The following P2RX4 variants were observed in gnomAD, a reference collection of about 807,000 sequenced individuals.
P2RX4 encodes the protein purinergic receptor P2X 4.
In P2RX4, 37 loss-of-function variants were observed where a neutral mutation model predicts 48.0. The ratio of observed to expected loss-of-function variants is 0.77; its 90% confidence interval spans 0.59 to 1.01. The LOEUF is 1.01. Ranked by LOEUF, P2RX4 falls within the 50% of genes least tolerant of loss-of-function variation. P2RX4 has a pLI of 0.00. For synonymous variants in P2RX4, 200 were observed against 199.7 expected (o/e 1.00, Z -0.01); for missense variants, 501 against 521.4 (o/e 0.96, Z 0.38).
intron 5 of P2RX4, among the ~76,000 whole-genome samples, chr12:121,226,734 G>T (rs1042384363): frequency 6.6e-6 from 1 of 152,186 alleles, no homozygotes; most frequent in Non-Finnish European, 1.5e-5. Flanking sequence ...ACAGGTGTGT[G>T]TGTGGGTGTT....
Position 121,228,847 on chromosome 12 carries a change from T to C in P2RX4, c.728T>C (p.Phe243Ser), listed in dbSNP as rs1343713859. ...ATAGTGGAGAACGCAGGACACAGTT[T>C]CCAGGACATGGCCGTGGAGGTGGGT... ...GKIVENAGHS[F>S]QDMAVEGGIM... Residue 243 changes from phenylalanine to serine, a missense_variant, in exon 7 of 12, where the codon TTC becomes TCC. This residue lies in a region of P2RX4 where 197 missense variants were observed against 219.5 expected (regional missense o/e 0.90). Coordinates refer to ENST00000337233, the MANE Select transcript of P2RX4 (RefSeq NM_002560.3). 1 of 1,614,056 alleles carries C rather than the reference T, an allele frequency of 6.2e-7. No homozygotes were observed. The highest frequency in any genetic ancestry group is 1.3e-5 in the African/African-American group (1 of 74,918).
At chr12:121,221,197 T>TGTGTG (rs1566003236) in intron 2 of P2RX4, among the ~76,000 whole-genome samples, 1 of 91,030 alleles carries the variant, frequency 1.1e-5, no homozygotes, top group African/African-American at 5.0e-5. Context: ...TGTGTGTGTG[T>TGTGTG]TTTTAGTACA....
chr12:121,212,826 T>TATATATATATA (rs1480106416), intron 1 of P2RX4: 1 of 81,428 alleles, frequency 1.2e-5, no homozygotes, highest in Non-Finnish European at 2.8e-5. Flanking sequence ...ATATATATAT[T>TATATATATATA]TTTTTTTTTT....
At chr12:121,231,022 C>G (rs1887324564) in intron 8 of P2RX4, among the ~76,000 whole-genome samples, 1 of 148,270 alleles carries the variant, frequency 6.7e-6, no homozygotes, top group Admixed American at 6.8e-5. Flanking sequence ...GTGACTTGCT[C>G]TGTCACCCAG....
chr12:121,224,707 C>T (rs905484518), intron 5 of P2RX4, among the ~76,000 whole-genome samples: 6 of 152,004 alleles, frequency 3.9e-5, no homozygotes, highest in African/African-American at 1.2e-4. Flanking sequence ...TTGTAATTGG[C>T]TGTGCTTCAT....
chr12:121,221,398 ATTTTTTT>A (rs112486751), intron 2 of P2RX4, among the ~76,000 whole-genome samples: 4 of 123,438 alleles, frequency 3.2e-5, no homozygotes, highest in Non-Finnish European at 7.0e-5. Context: ...TGTTTCCACC[ATTTTTTT>A]TTTTTTTTTG....
chr12:121,222,569 C>T lies in P2RX4; in HGVS notation c.428-378C>T, dbSNP rs566318328. ...CTGGGATTACAGGCATGCACCACCA[C>T]GCCCAGCTAATTTTTGTACTTTTGG... On this transcript the variant is annotated intron_variant, in intron 4 of 11. Transcript: ENST00000337233. 2.2e-5 allele frequency: 10 copies of T among 458,678 alleles called. No individual in the cohort carries two copies. In the East Asian group the frequency reaches 3.6e-4, roughly 16 times the overall value. 28.4% of individuals were successfully genotyped at this position (458,678 alleles called of 1,614,324 possible).
In P2RX4 at chr12:121,228,567, C is replaced by T. The variant is rs1261684963; in HGVS notation, c.559C>T (p.Leu187Phe). The T allele has an allele frequency of 1.7e-5, 28 of 1,613,442 alleles. No individual in the cohort carries two copies. In the African/African-American group the frequency reaches 2.5e-4, roughly 15 times the overall value. Residue 187 changes from leucine (L) to phenylalanine (F), a missense_variant, in exon 6 of 12, where the codon CTT becomes TTT. By Grantham distance (22) the Leu-to-Phe change is conservative. This residue lies in a region of P2RX4 where 295 missense variants were observed against 275.3 expected (regional missense o/e 1.07). Coordinates refer to ENST00000337233, the MANE Select transcript of P2RX4 (RefSeq NM_002560.3). ...AFLKAAENFT[L>F]LVKNNIWYPK... Reference sequence around the variant, plus strand: ...TTTAAAGGCTGCAGAAAACTTCACTCTTTTGGTTAAGAACAACATCTGGTA... The same window carrying T: ...TTTAAAGGCTGCAGAAAACTTCACTTTTTTGGTTAAGAACAACATCTGGTA...
chr12:121,211,070 G>C (rs1394118341), intron 1 of P2RX4, among the ~76,000 whole-genome samples: 1 of 152,186 alleles, frequency 6.6e-6, no homozygotes, highest in Non-Finnish European at 1.5e-5. Context: ...TTCTGGGCTT[G>C]TGGGGCTTTT....
rs1172780751 is a variant in P2RX4, at chr12:121,232,173, G to A, written c.885-241G>A. 1.3e-5 allele frequency among the ~76,000 whole-genome samples: 2 copies of A among 152,128 alleles called. No individual in the cohort carries two copies. Among genetic ancestry groups the A allele is most frequent in the African/African-American group, 4.8e-5 (2 of 41,432 alleles). On this transcript the variant is annotated intron_variant, in intron 8 of 11. Coordinates refer to ENST00000337233, the MANE Select transcript of P2RX4 (RefSeq NM_002560.3). The surrounding 1 kb of genome is among the most constrained non-coding windows in gnomAD (Gnocchi z 4.3). ...TGGGATGTTGAGAGCAAACTGTTCA[G>A]GTTCAGGAGAGGACACTGGTGCTGG...
At chr12:121,215,243 C>T (rs1329785180) in intron 1 of P2RX4, 1 of 152,072 alleles carries the variant, frequency 6.6e-6, no homozygotes, top group East Asian at 1.9e-4. Flanking sequence ...AAACATTTGA[C>T]CTACATTAAT....
chr12:121,218,392 G>A (rs1886364876), intron 2 of P2RX4, among the ~76,000 whole-genome samples: 1 of 152,128 alleles, frequency 6.6e-6, no homozygotes, highest in Non-Finnish European at 1.5e-5. Flanking sequence ...GCTGAGGCAG[G>A]AGAATCTCTT....
chr12:121,227,586 C>T (rs1566008485), intron 5 of P2RX4, among the ~76,000 whole-genome samples: 1 of 152,146 alleles, frequency 6.6e-6, no homozygotes, highest in Non-Finnish European at 1.5e-5. Context: ...CCAGTGAGGC[C>T]ACAAATCCCC....
intron 5 of P2RX4, among the ~76,000 whole-genome samples, chr12:121,224,095 CTG>C (rs570600089): frequency 6.6e-6 from 1 of 152,200 alleles, no homozygotes; most frequent in Non-Finnish European, 1.5e-5. Context: ...CAACCCATCT[CTG>C]TGGCTGGGGA....
chr12:121,216,853 A>G (rs1886258334), intron 1 of P2RX4: 3 of 662,660 alleles, frequency 4.5e-6, no homozygotes, highest in Non-Finnish European at 2.7e-6. Context: ...CTCAAATGTA[A>G]TAAAGACAGT....
rs1010831475 is a variant in P2RX4, at chr12:121,229,291, C to A, written c.884+192C>A. ...GTGGTGTCCTGCTCCGGGGCCATCC[C>A]GGCCCCCGAGACCCCTCCTTGCCCT... is the stretch of plus-strand genomic sequence containing the variant. On this transcript the variant is annotated intron_variant, in intron 8 of 11. Transcript: ENST00000337233. The surrounding 1 kb of genome is among the most constrained non-coding windows in gnomAD (Gnocchi z 4.6). Among the ~76,000 whole-genome samples the A allele has an allele frequency of 1.3e-5, 2 of 152,180 alleles. No individual in the cohort carries two copies. Among genetic ancestry groups the A allele is most frequent in the Non-Finnish European group, 2.9e-5 (2 of 68,024 alleles).
intron 4 of P2RX4, 144 bp from the exon 5 acceptor site, chr12:121,222,803 T>C: frequency 6.5e-7 from 1 of 1,529,514 alleles, no homozygotes. Context: ...TCCTGGACAG[T>C]GACACTGTCT....
chr12:121,210,224 C>A lies in P2RX4; in HGVS notation c.60C>A (p.Ile20=), dbSNP rs371958865. 2.0e-5 allele frequency: 32 copies of A among 1,560,998 alleles called. No homozygotes were observed. Among genetic ancestry groups the A allele is most frequent in the Non-Finnish European group, 2.5e-5 (29 of 1,158,256 alleles). The change falls in exon 1 of 12, where the codon ATC becomes ATA. Residue 20 remains isoleucine (I), a synonymous_variant. Coordinates refer to ENST00000337233, the MANE Select transcript of P2RX4 (RefSeq NM_002560.3). ...AFLFEYDTPR[I]VLIRSRKVGL... The stretch of plus-strand genomic sequence containing the variant: ...TGTTCGAGTACGACACGCCGCGCAT[C>A]GTGCTCATCCGCAGCCGCAAAGTGG...
intron 8 of P2RX4, among the ~76,000 whole-genome samples, chr12:121,231,198 A>G (rs1179285397): frequency 1.3e-5 from 2 of 151,958 alleles, no homozygotes; most frequent in Admixed American, 6.6e-5. Context: ...CACATTGGCC[A>G]GGGTGGTCTC....
Sources: gnomAD v4.1 joint callset for allele counts (sites outside exome capture counted in the v4.1 genomes callset) on GRCh38, gnomAD v4.1.1 for gene constraint, gnomAD v4.1.1 regional missense constraint, Gnocchi (gnomAD v3.1) non-coding constraint, MANE v1.5 for transcripts, NCBI Gene and HGNC (gene_info 2026-07-23, HGNC 2026-07-21) for gene names.